Variants in RELN observed in about 807,000 individuals in gnomAD.
RELN encodes reelin.
A neutral mutation model predicts 427.6 loss-of-function variants in RELN; 108 were observed. The observed-to-expected ratio is 0.25, with a 90% CI of 0.22 to 0.30. The LOEUF (loss-of-function observed/expected upper bound fraction) is 0.30, where lower values mean the gene tolerates loss of function less well. Ranked by LOEUF, RELN falls within the 10% of genes least tolerant of loss-of-function variation. The pLI is 1.00. For synonymous variants in RELN, 1,524 were observed against 1,513.4 expected (o/e 1.01, Z -0.16); for missense variants, 3,715 against 4,302.8 (o/e 0.86, Z 3.82).
chr7:103,704,919 G>A (rs1204247779), intron 8 of RELN, among the ~76,000 whole-genome samples: 3 of 152,118 alleles, frequency 2.0e-5, no homozygotes, highest in Admixed American at 6.5e-5. Flanking sequence ...CAAATCAACA[G>A]ATTGCTTTCC....
rs896697808 is a variant in RELN at position 103,931,632 on chromosome 7, C to T, written c.227-14447G>A. On this transcript the variant is annotated intron_variant, in intron 1 of 64. Transcript: ENST00000428762. ...AATTAGGTAAATACAGTTGAAGTCC[C>T]TTATGACTCTTCTATCTTGCTTTCC... is the stretch of plus-strand genomic sequence containing the variant. Among the ~76,000 whole-genome samples, 7 of 152,302 alleles carry T rather than the reference C, an allele frequency of 4.6e-5. No individual in the cohort carries two copies. In the East Asian group the frequency reaches 1.3e-3, roughly 29 times the overall value.
chr7:103,782,724 AT>A (rs1468849310), intron 3 of RELN, among the ~76,000 whole-genome samples: 14 of 152,318 alleles, frequency 9.2e-5, no homozygotes, highest in Admixed American at 4.6e-4. Context: ...ATACAAAAGT[AT>A]TTTAATATAC....
At chr7:103,585,279 T>C (rs778819548) in intron 28 of RELN, among the ~76,000 whole-genome samples, 1 of 152,064 alleles carries the variant, frequency 6.6e-6, no homozygotes, top group Non-Finnish European at 1.5e-5. Flanking sequence ...GTTGCCTCTT[T>C]GAAAAGATAA....
chr7:103,575,769 A>C, intron 28 of RELN, 64 bp from the exon 29 acceptor site: 2 of 1,553,316 alleles, frequency 1.3e-6, no homozygotes, highest in Middle Eastern at 3.5e-4. Flanking sequence ...ATTGGAATAT[A>C]GAAAAATTCA....
At chr7:103,594,810 T>C (rs1411260856) in intron 25 of RELN, among the ~76,000 whole-genome samples, 1 of 152,208 alleles carries the variant, frequency 6.6e-6, no homozygotes, top group Non-Finnish European at 1.5e-5. Context: ...AATATCAAGA[T>C]AAAATTGTTT....
chr7:103,680,936 C>A (rs112147516), intron 11 of RELN, among the ~76,000 whole-genome samples: 35 of 152,212 alleles, frequency 2.3e-4, no homozygotes, highest in African/African-American at 8.2e-4. Flanking sequence ...AGAGGCTTAG[C>A]CTGCTGTGCC....
chr7:103,736,286 T>C (rs570105145), intron 6 of RELN, among the ~76,000 whole-genome samples: 10 of 152,298 alleles, frequency 6.6e-5, no homozygotes, highest in Admixed American at 2.0e-4. Flanking sequence ...CCATTACACC[T>C]GTAAGCAATT....
chr7:103,981,456 T>G (rs987895823), intron 1 of RELN, among the ~76,000 whole-genome samples: 1 of 152,164 alleles, frequency 6.6e-6, no homozygotes, highest in Admixed American at 6.5e-5. Context: ...AGGAAACACC[T>G]CAGTTTTATC....
chr7:103,589,608 G>C lies in RELN; in HGVS notation c.4133C>G (p.Ser1378Cys), dbSNP rs751271323. The C allele has an allele frequency of 3.7e-6, 6 of 1,610,760 alleles. No individual in the cohort carries two copies. The African/African-American group carries it at 8.0e-5, about 22-fold the overall frequency. The change falls in exon 28 of 65, where the codon TCT (serine) becomes TGT (cysteine). Residue 1378 changes from serine to cysteine, a missense_variant. Ser to Cys is a moderately radical substitution (Grantham distance 112, BLOSUM62 -1). Coordinates refer to ENST00000428762, the MANE Select transcript of RELN (RefSeq NM_005045.4). ...WTRITIVIPR[S>C]LASSKTRFRW... ...ATGATTACTTTACCTGGATGCAAGA[G>C]ACCTTGGAATAACAATGGTGATTCT...
At chr7:103,609,425 G>A (rs1022585697) in intron 22 of RELN, among the ~76,000 whole-genome samples, 1 of 152,026 alleles carries the variant, frequency 6.6e-6, no homozygotes, top group African/African-American at 2.4e-5. Context: ...TGACATATAT[G>A]CTTGGAATAC....
At chr7:103,652,782 ATCAC>A (rs1253003050) in intron 13 of RELN, 23 bp from the exon 14 acceptor site, 2 of 1,603,338 alleles carry the variant, frequency 1.2e-6, no homozygotes, top group Non-Finnish European at 1.7e-6. Context: ...GGAGACCAGA[ATCAC>A]TCAAAATCCT....
At chr7:103,782,728 T>C (rs564511797) in intron 3 of RELN, among the ~76,000 whole-genome samples, 1 of 152,332 alleles carries the variant, frequency 6.6e-6, no homozygotes, top group South Asian at 2.1e-4. Context: ...AAAAGTATTT[T>C]AATATACTTG....
intron 1 of RELN, among the ~76,000 whole-genome samples, chr7:103,918,945 T>A (rs1308747274): frequency 1.3e-5 from 2 of 152,190 alleles, no homozygotes; most frequent in African/African-American, 4.8e-5. Context: ...CTTACACGAA[T>A]CATCTAAAGA....
At position 103,594,368 on chromosome 7, in the gene RELN, C is replaced by T. The variant is rs762404220; in HGVS notation, c.3664G>A (p.Glu1222Lys). ...WAVDDIIILS[E>K]KQKQIIPVIN... is the part of the protein sequence containing the mutation. ...ACTGGGATGATCTGCTTCTGCTTCT[C>T]GGACAGAATGATGATGTCATCGACT... The change falls in exon 26 of 65, where the codon GAG (glutamate) becomes AAG (lysine). Residue 1222 changes from glutamate to lysine, a missense_variant. By Grantham distance (56) the Glu-to-Lys change is moderately conservative. Around this residue, in one of 4 missense-constraint regions of RELN, gnomAD observed 2,208 missense variants for 2,361.7 expected, o/e 0.93. Transcript: ENST00000428762. 13 of 1,613,860 alleles carry T rather than the reference C, an allele frequency of 8.1e-6. No homozygotes were observed. The highest frequency in any genetic ancestry group is 4.5e-5 in the East Asian group (2 of 44,886).
At chr7:103,926,868 A>C (rs1489852046) in intron 1 of RELN, among the ~76,000 whole-genome samples, 1 of 138,732 alleles carries the variant, frequency 7.2e-6, no homozygotes, top group East Asian at 2.3e-4. Context: ...GGACGGTTTC[A>C]ATCTCCTGAC....
intron 7 of RELN, 111 bp from the exon 8 acceptor site, chr7:103,723,302 T>A: frequency 1.4e-6 from 1 of 690,350 alleles, no homozygotes; most frequent in Non-Finnish European, 2.7e-6. Flanking sequence ...AGAGAGGAAA[T>A]CCATTAACAG....
intron 4 of RELN, among the ~76,000 whole-genome samples, chr7:103,768,798 TAGG>T (rs1584477365): frequency 6.6e-6 from 1 of 152,180 alleles, no homozygotes; most frequent in Non-Finnish European, 1.5e-5. Flanking sequence ...AGTCACCATA[TAGG>T]AGGAGACATA....
chr7:103,613,591 T>C (rs1405548405), intron 20 of RELN, among the ~76,000 whole-genome samples: 1 of 152,214 alleles, frequency 6.6e-6, no homozygotes, highest in Non-Finnish European at 1.5e-5. Flanking sequence ...CAAATGCTTA[T>C]CTCTGTAAGA....
chr7:103,799,290 T>G (rs1563020397), intron 3 of RELN, among the ~76,000 whole-genome samples: 1 of 152,186 alleles, frequency 6.6e-6, no homozygotes, highest in Non-Finnish European at 1.5e-5. Context: ...ATGCATTATC[T>G]ACCCCTAGTC....
Sources: allele counts gnomAD v4.1 joint callset (sites outside exome capture counted in the v4.1 genomes callset), GRCh38; gene constraint gnomAD v4.1.1; regional missense constraint gnomAD v4.1.1; transcripts MANE v1.5; gene names NCBI Gene and HGNC (gene_info 2026-07-23, HGNC 2026-07-21).